NELL2: variants seen among roughly 807,000 people sequenced by gnomAD.
NELL2 encodes the protein protein kinase C-binding protein NELL2.
A neutral mutation model predicts 109.6 loss-of-function variants in NELL2; 41 were observed. The ratio of observed to expected loss-of-function variants is 0.37; its 90% CI spans 0.29 to 0.49. NELL2 has a LOEUF of 0.49. NELL2 is among the 20% of genes least tolerant of loss of function. The pLI, the probability that NELL2 is intolerant of heterozygous loss-of-function variation, is 0.98. For synonymous variants in NELL2, 355 were observed against 344.7 expected (o/e 1.03, Z -0.33); for missense variants, 900 against 1,008.3 (o/e 0.89, Z 1.45).
chr12:44,861,564 C>T lies in NELL2; in HGVS notation c.184+13661G>A, dbSNP rs1029122715. On this transcript the variant is annotated intron_variant, in intron 2 of 19. Coordinates refer to ENST00000429094, the MANE Select transcript of NELL2 (RefSeq NM_001145108.2). ...GCAGCAGCCATGGGCTCTGGACTACCCCGAGAGCTGAGCTGGCCCTCACTG... is the reference window on the plus strand; with the variant it reads ...GCAGCAGCCATGGGCTCTGGACTACTCCGAGAGCTGAGCTGGCCCTCACTG... 7.2e-5 allele frequency among the ~76,000 whole-genome samples: 11 copies of T among 152,178 alleles called. 1 individual carries two copies. Among genetic ancestry groups the T allele is most frequent in the Admixed American group, 2.0e-4 (3 of 15,274 alleles).
chr12:44,777,984 T>C lies in NELL2; in HGVS notation c.607-670A>G, dbSNP rs1051798736. Among the ~76,000 whole-genome samples, 6 of 152,212 alleles carry C rather than the reference T, an allele frequency of 3.9e-5. No homozygotes were observed. The East Asian group carries it at 1.2e-3, about 29-fold the overall frequency. On this transcript the variant is annotated intron_variant, in intron 5 of 19. Transcript: ENST00000429094. Reference sequence around the variant, plus strand: ...ACATGCATACTTAGTCATTAAGGTATAATTAGCTTCCAGCTTGCTGGGCTC... The same window carrying C: ...ACATGCATACTTAGTCATTAAGGTACAATTAGCTTCCAGCTTGCTGGGCTC...
At chr12:44,513,049 A>G (rs747489504) in intron 19 of NELL2, among the ~76,000 whole-genome samples, 1 of 152,072 alleles carries the variant, frequency 6.6e-6, no homozygotes, top group Non-Finnish European at 1.5e-5. Flanking sequence ...GTACATATGT[A>G]TCAACACTCT....
chr12:44,864,247 T>C (rs2136815597), intron 2 of NELL2, among the ~76,000 whole-genome samples: 1 of 152,232 alleles, frequency 6.6e-6, no homozygotes, highest in Non-Finnish European at 1.5e-5. Context: ...ATGGATTAAA[T>C]CCTGCTATCA....
At chr12:44,613,038 C>T (rs1193396303) in intron 13 of NELL2, among the ~76,000 whole-genome samples, 1 of 151,964 alleles carries the variant, frequency 6.6e-6, no homozygotes, top group Non-Finnish European at 1.5e-5. Flanking sequence ...TTAAATGCAT[C>T]CATGCCTTTA....
chr12:44,688,732 A>C (rs1948809667), intron 12 of NELL2, among the ~76,000 whole-genome samples: 1 of 152,078 alleles, frequency 6.6e-6, no homozygotes, highest in African/African-American at 2.4e-5. Context: ...TAAATCTCCA[A>C]ATTTGGCATT....
chr12:44,668,667 C>G lies in NELL2; in HGVS notation c.1319-3058G>C, dbSNP rs74507328. 1.4e-4 allele frequency among the ~76,000 whole-genome samples: 22 copies of G among 152,172 alleles called. No homozygotes were observed. The South Asian group carries it at 2.1e-3, about 14-fold the overall frequency. ...CCATGCCTGCTGCCACTGGAATACACGCACACTATCCAGGGACATTAAGGA... is the reference window on the plus strand; with the variant it reads ...CCATGCCTGCTGCCACTGGAATACAGGCACACTATCCAGGGACATTAAGGA... On this transcript the variant is annotated intron_variant, in intron 12 of 19. Transcript: ENST00000429094.
chr12:44,550,880 G>T (rs1388649989), intron 15 of NELL2, among the ~76,000 whole-genome samples: 1 of 152,076 alleles, frequency 6.6e-6, no homozygotes, highest in Admixed American at 6.6e-5. Flanking sequence ...AAAGGGGAAG[G>T]TGATGGTTAA....
chr12:44,666,862 C>A (rs757881458), intron 12 of NELL2, among the ~76,000 whole-genome samples: 1 of 152,104 alleles, frequency 6.6e-6, no homozygotes, highest in Admixed American at 6.5e-5. Flanking sequence ...AGTGTTCTGG[C>A]CACATAGTTT....
At chr12:44,805,287 C>T (rs1432147044) in intron 3 of NELL2, among the ~76,000 whole-genome samples, 1 of 151,746 alleles carries the variant, frequency 6.6e-6, no homozygotes. Flanking sequence ...GTTTCAAATG[C>T]AGCAAAAATT....
At chr12:44,903,761 G>A (rs566469678) in intron 1 of NELL2, among the ~76,000 whole-genome samples, 28 of 151,884 alleles carry the variant, frequency 1.8e-4, no homozygotes, top group African/African-American at 5.3e-4. Context: ...AGCTGGAAAC[G>A]ATCATTCTCA....
intron 3 of NELL2, among the ~76,000 whole-genome samples, chr12:44,784,052 G>T (rs1414413111): frequency 6.6e-6 from 1 of 151,952 alleles, no homozygotes; most frequent in African/African-American, 2.4e-5. Flanking sequence ...GACTAACAAA[G>T]GAATGAAAAT....
chr12:44,802,474 C>A (rs868730626), intron 3 of NELL2, among the ~76,000 whole-genome samples: 1 of 151,854 alleles, frequency 6.6e-6, no homozygotes, highest in African/African-American at 2.4e-5. Flanking sequence ...TTTTCATAAA[C>A]GTATGTGATA....
chr12:44,678,856 G>A (rs1948402704), intron 12 of NELL2, among the ~76,000 whole-genome samples: 1 of 152,008 alleles, frequency 6.6e-6, no homozygotes, highest in Admixed American at 6.6e-5. Context: ...TAGTACGGAG[G>A]GGATATGTGA....
At chr12:44,707,279 A>C (rs57804181) in intron 11 of NELL2, among the ~76,000 whole-genome samples, 1 of 152,046 alleles carries the variant, frequency 6.6e-6, no homozygotes, top group African/African-American at 2.4e-5. Flanking sequence ...CTGAAACTCA[A>C]TTCTGGGGGT....
intron 12 of NELL2, among the ~76,000 whole-genome samples, chr12:44,685,196 G>T (rs573368979): frequency 1.6e-4 from 24 of 152,140 alleles, no homozygotes; most frequent in African/African-American, 5.3e-4. Context: ...TTTGATCTTT[G>T]TTGGTTTAAA....
At position 44,698,465 on chromosome 12, in the gene NELL2, G is replaced by T. The variant is rs999805187; in HGVS notation, c.1318+5261C>A. On this transcript the variant is annotated intron_variant, in intron 12 of 19. Transcript: ENST00000429094. ...CTGTGAACACTCAAGTAGAATAAAT[G>T]ATGTTTTATGAATGTTAATCTGGAG... Among the ~76,000 whole-genome samples the T allele has an allele frequency of 5.3e-5, 8 of 152,270 alleles. No individual in the cohort carries two copies. In the East Asian group the frequency reaches 9.7e-4, roughly 18 times the overall value.
chr12:44,660,521 C>T (rs1947703816), intron 13 of NELL2, among the ~76,000 whole-genome samples: 1 of 152,138 alleles, frequency 6.6e-6, no homozygotes, highest in South Asian at 2.1e-4. Flanking sequence ...TAACCGCTTC[C>T]CACATAGTTG....
intron 1 of NELL2, among the ~76,000 whole-genome samples, chr12:44,909,224 C>A (rs1945752806): frequency 6.6e-6 from 1 of 151,902 alleles, no homozygotes. Context: ...TAAATAACTT[C>A]AGTAAAGTTT....
intron 9 of NELL2, among the ~76,000 whole-genome samples, chr12:44,721,862 T>C (rs928967666): frequency 6.6e-6 from 1 of 152,052 alleles, no homozygotes; most frequent in East Asian, 1.9e-4. Flanking sequence ...GCAGCTCTAT[T>C]AGGAGGAAAT....
Sources: allele counts gnomAD v4.1 joint callset (sites outside exome capture counted in the v4.1 genomes callset), GRCh38; gene constraint gnomAD v4.1.1; transcripts MANE v1.5; gene names NCBI Gene and HGNC (gene_info 2026-07-23, HGNC 2026-07-21).